The following KDM2B variants were observed in gnomAD, a reference collection of about 807,000 sequenced individuals.
KDM2B encodes the protein lysine-specific demethylase 2B.
KDM2B carries 26 observed loss-of-function variants against 150.0 expected under a neutral mutation model. That is an observed-to-expected ratio of 0.17 (90% CI 0.13 to 0.24). The LOEUF (loss-of-function observed/expected upper bound fraction) is 0.24. Ranked by LOEUF, KDM2B falls within the 10% of genes least tolerant of loss-of-function variation. KDM2B has a pLI of 1.00. For missense variants in KDM2B, 1,265 were observed against 1,816.9 expected (o/e 0.70, Z 5.52); for synonymous variants, 734 against 729.5 (o/e 1.01, Z -0.10).
At position 121,521,457 on chromosome 12, in the gene KDM2B, G is replaced by A. The variant is rs1315518272; in HGVS notation, c.932-357C>T. ...CTTTCTCCACCTCCATGCAGGCCAC[G>A]GAGCCTCACCTCCCCTCCCAGGTGG... is the stretch of plus-strand genomic sequence containing the variant. On this transcript the variant is annotated intron_variant, in intron 8 of 22. Transcript: ENST00000377071. The surrounding 1 kb of genome is among the most constrained non-coding windows in gnomAD (Gnocchi z 4.9). 1.3e-5 allele frequency among the ~76,000 whole-genome samples: 2 copies of A among 152,134 alleles called. No homozygotes were observed. The highest frequency in any genetic ancestry group is 2.9e-5 in the Non-Finnish European group (2 of 68,018).
At chr12:121,480,416 T>G (rs1450072259) in intron 12 of KDM2B, among the ~76,000 whole-genome samples, 1 of 152,008 alleles carries the variant, frequency 6.6e-6, no homozygotes, top group African/African-American at 2.4e-5. Context: ...CTACAAATCA[T>G]GTCCTGAGAA....
At chr12:121,581,660 A>G (rs1188551100), upstream of KDM2B, among the ~76,000 whole-genome samples, 4 of 152,202 alleles carry the variant, frequency 2.6e-5, no homozygotes, top group African/African-American at 7.2e-5. Flanking sequence ...TGAGCCTGAC[A>G]TTTTATTTCT....
intron 11 of KDM2B, among the ~76,000 whole-genome samples, chr12:121,505,914 C>T (rs1278707148): frequency 2.0e-5 from 3 of 152,176 alleles, no homozygotes; most frequent in African/African-American, 7.2e-5. Flanking sequence ...GAGAACAAGG[C>T]GACAGAGCGT....
intron 10 of KDM2B, among the ~76,000 whole-genome samples, chr12:121,512,242 C>T (rs76375113): frequency 0.034 from 5,212 of 152,154 alleles, 282 homozygotes; most frequent in African/African-American, 0.1. Flanking sequence ...CGGGACTTTC[C>T]AACCCCCTGA....
intron 4 of KDM2B, among the ~76,000 whole-genome samples, chr12:121,555,211 C>T (rs782285199): frequency 1.4e-4 from 22 of 152,000 alleles, no homozygotes; most frequent in Non-Finnish European, 2.4e-4. Context: ...GATAGCAATC[C>T]TATTTTATAA....
intron 13 of KDM2B, among the ~76,000 whole-genome samples, chr12:121,446,225 C>T (rs1447054633): frequency 1.2e-4 from 19 of 152,330 alleles, no homozygotes; most frequent in Middle Eastern, 6.8e-3. Flanking sequence ...GAAACCCCGT[C>T]TCTACTAAAA....
chr12:121,533,969 G>C lies in KDM2B; in HGVS notation c.777+528C>G, dbSNP rs193004759. Reference sequence around the variant, plus strand: ...GTGGGAAGATCGCTTGAGCCCAGGAGGTGGAGGCTACAGCGAGCTGTGATT... The same window carrying C: ...GTGGGAAGATCGCTTGAGCCCAGGACGTGGAGGCTACAGCGAGCTGTGATT... On this transcript the variant is annotated intron_variant, in intron 7 of 22. Coordinates refer to ENST00000377071, the MANE Select transcript of KDM2B (RefSeq NM_032590.5). This position sits in a 1 kb window ranked among gnomAD's most constrained non-coding sequence, Gnocchi z 4.1. Among the ~76,000 whole-genome samples the C allele has an allele frequency of 6.6e-6, 1 of 152,178 alleles. No homozygotes were observed. Among genetic ancestry groups the C allele is most frequent in the Non-Finnish European group, 1.5e-5 (1 of 68,034 alleles).
At chr12:121,526,418 G>A (rs1253343628) in intron 8 of KDM2B, among the ~76,000 whole-genome samples, 1 of 152,154 alleles carries the variant, frequency 6.6e-6, no homozygotes, top group African/African-American at 2.4e-5. Context: ...GAGTCAAGAA[G>A]GAGGACCAGA....
At chr12:121,553,221 ACT>A (rs781940615) in intron 4 of KDM2B, among the ~76,000 whole-genome samples, 3 of 148,832 alleles carry the variant, frequency 2.0e-5, no homozygotes, top group Middle Eastern at 3.2e-3. Flanking sequence ...ACAGAGCAAG[ACT>A]CTGTCTCAAA....
intron 12 of KDM2B, among the ~76,000 whole-genome samples, chr12:121,487,556 C>G (rs1882898162): frequency 6.6e-6 from 1 of 152,236 alleles, no homozygotes; most frequent in South Asian, 2.1e-4. Context: ...CGCTCTTCCT[C>G]TTGGGGAGCT....
rs199829697 is a variant in KDM2B, at chr12:121,502,977, T to TG, written c.1647+6589dup. On this transcript the variant is annotated intron_variant, in intron 11 of 22. Transcript: ENST00000377071. The stretch of plus-strand genomic sequence containing the variant: ...TAAAAAAGGAAATCAGGTTTTTTTG[T>TG]GGGTTTTTTTTTTTTTTTGAGCAGA... Among the ~76,000 whole-genome samples the TG allele has an allele frequency of 4.3e-3, 591 of 137,048 alleles. 5 individuals are homozygous for TG. The highest frequency in any genetic ancestry group is 0.018 in the African/African-American group (559 of 31,794). 89.9% of individuals were successfully genotyped at this position (137,048 alleles called of 152,430 possible).
intron 12 of KDM2B, among the ~76,000 whole-genome samples, chr12:121,472,148 CTGCATAGGGT>C (rs1376683311): frequency 6.6e-6 from 1 of 152,152 alleles, no homozygotes. Flanking sequence ...AGCAGGAGGC[CTGCATAGGGT>C]TGCTTCCTAC....
chr12:121,493,725 G>GA (rs1413683887), intron 12 of KDM2B: 3 of 152,166 alleles, frequency 2.0e-5, no homozygotes, highest in African/African-American at 7.2e-5. Context: ...CAGAGTTGCT[G>GA]AAGCGTAAAT....
chr12:121,431,725 C>T (rs1873056257), intron 22 of KDM2B, among the ~76,000 whole-genome samples: 1 of 152,094 alleles, frequency 6.6e-6, no homozygotes, highest in African/African-American at 2.4e-5. Flanking sequence ...CAAACAGATG[C>T]TCACCAATTC....
In KDM2B at chr12:121,510,138, A is replaced by C. The variant is rs1885452495; in HGVS notation, c.1175-99T>G. On this transcript the variant is annotated intron_variant, in intron 10 of 22. Coordinates refer to ENST00000377071, the MANE Select transcript of KDM2B (RefSeq NM_032590.5). ...ACCAAAAGTCCCCTTTACTCCAGAG[A>C]TCCAGCTTCTCTAACAATCCTAATG... 3.8e-6 allele frequency: 4 copies of C among 1,045,764 alleles called. No homozygotes were observed. The East Asian group carries it at 9.6e-5, about 25-fold the overall frequency. The allele number at this position is 1,045,764 out of a possible 1,614,324, so 64.8% of individuals were successfully genotyped here. A position where few individuals can be genotyped will look rare whatever the true frequency, so the allele number is the denominator to read the frequency against.
Position 121,440,489 on chromosome 12 carries a change from GGCAA to G in KDM2B, c.3610+323_3610+326del, listed in dbSNP as rs1874809613. ...CAGTGGAGGCTTGAAACCAACGAGG[GGCAA>G]GTCAACAGAAAAGAAGTGAGATGCA... is the stretch of plus-strand genomic sequence containing the variant. On this transcript the variant is annotated intron_variant, in intron 21 of 22. Coordinates refer to ENST00000377071, the MANE Select transcript of KDM2B (RefSeq NM_032590.5). 2.4e-5 allele frequency: 9 copies of G among 381,592 alleles called. No individual in the cohort carries two copies. The South Asian group carries it at 2.9e-4, about 12-fold the overall frequency. 23.6% of individuals were successfully genotyped at this position (381,592 alleles called of 1,614,324 possible).
intron 22 of KDM2B, among the ~76,000 whole-genome samples, chr12:121,439,251 G>A (rs890534413): frequency 2.0e-5 from 3 of 152,092 alleles, no homozygotes; most frequent in Middle Eastern, 3.2e-3. Context: ...GTCAGGCACC[G>A]GCTCTTCTGC....
rs1325445875 is a variant in KDM2B at position 121,537,993 on chromosome 12, C to T, written c.684-3403G>A. Among the ~76,000 whole-genome samples the T allele has an allele frequency of 3.3e-5, 5 of 150,262 alleles. No homozygotes were observed. The highest frequency in any genetic ancestry group is 1.2e-4 in the African/African-American group (5 of 41,208). ...TTCGGCTGCGGAGGCTCGACGCGCGCCCGGCCCCACTCCCGGCGGCAACGC... is the reference window on the plus strand; with the variant it reads ...TTCGGCTGCGGAGGCTCGACGCGCGTCCGGCCCCACTCCCGGCGGCAACGC... On this transcript the variant is annotated intron_variant, in intron 6 of 22. Transcript: ENST00000377071. This position sits in a 1 kb window ranked among gnomAD's most constrained non-coding sequence, Gnocchi z 8.7.
intron 8 of KDM2B, among the ~76,000 whole-genome samples, chr12:121,522,929 A>G (rs1405415598): frequency 6.6e-6 from 1 of 152,234 alleles, no homozygotes. Flanking sequence ...CGGGCTCTGC[A>G]TGGTCCATGA....
Sources: gnomAD v4.1 joint callset for allele counts (sites outside exome capture counted in the v4.1 genomes callset) on GRCh38, gnomAD v4.1.1 for gene constraint, Gnocchi (gnomAD v3.1) non-coding constraint, MANE v1.5 for transcripts, NCBI Gene and HGNC (gene_info 2026-07-23, HGNC 2026-07-21) for gene names.